The following POLR1B variants were observed in gnomAD, a reference collection of about 807,000 sequenced individuals.
POLR1B encodes DNA-directed RNA polymerase I subunit RPA2.
A neutral mutation model predicts 105.8 loss-of-function variants in POLR1B; 30 were observed. The ratio of observed to expected loss-of-function variants is 0.28; its 90% CI spans 0.21 to 0.38. The LOEUF is 0.38. Ranked by LOEUF, POLR1B falls within the 10% of genes least tolerant of loss-of-function variation. POLR1B has a pLI of 1.00. For missense variants in POLR1B, 976 were observed against 1,435.8 expected (o/e 0.68, Z 5.17); for synonymous variants, 485 against 505.1 (o/e 0.96, Z 0.53).
At chr2:112,565,367 C>A (rs1020049367) in intron 10 of POLR1B, among the ~76,000 whole-genome samples, 7 of 152,058 alleles carry the variant, frequency 4.6e-5, no homozygotes, top group African/African-American at 1.7e-4. Context: ...TCTTTTGAAC[C>A]ATTTGAGAGC....
upstream of POLR1B, chr2:112,542,099 A>G (rs1376800012): frequency 3.9e-6 from 6 of 1,535,376 alleles, no homozygotes; most frequent in Admixed American, 9.8e-5. Context: ...GTGAAGGGAA[A>G]CAGAAGAGAG....
At chr2:112,572,158 G>C (rs538335432) in intron 12 of POLR1B, among the ~76,000 whole-genome samples, 2 of 152,150 alleles carry the variant, frequency 1.3e-5, no homozygotes, top group Non-Finnish European at 2.9e-5. Context: ...ATCTAATTAC[G>C]TAATAATTCC....
Position 112,551,896 on chromosome 2 carries a change from C to G in POLR1B, c.884C>G (p.Ser295Trp), listed in dbSNP as rs1545133. The change falls in exon 6 of 15, where the codon TCG becomes TGG. Residue 295 changes from serine (S) to tryptophan (W), a missense_variant. This residue lies in a region of POLR1B where 452 missense variants were observed against 616.5 expected (regional missense o/e 0.73). Coordinates refer to ENST00000263331, the MANE Select transcript of POLR1B (RefSeq NM_019014.6). ...AGGATTGTAATGGAAGAGGGTTGTT[C>G]GACACAAAAACAGGTCCTTAACTAC... ...MLRIVMEEGC[S>W]TQKQVLNYLG... is the part of the protein sequence containing the mutation. 6.2e-7 allele frequency: 1 copy of G among 1,613,766 alleles called. No homozygotes were observed. The highest frequency in any genetic ancestry group is 1.7e-5 in the Admixed American group (1 of 60,002).
intron 3 of POLR1B, among the ~76,000 whole-genome samples, chr2:112,548,767 C>G (rs1683199356): frequency 6.6e-6 from 1 of 152,154 alleles, no homozygotes; most frequent in South Asian, 2.1e-4. Flanking sequence ...CGCCCACTAC[C>G]ACGCCTGGCT....
Position 112,559,392 on chromosome 2 carries a change from A to G in POLR1B, c.1430A>G (p.Asp477Gly). Residue 477 changes from aspartate (D) to glycine (G), a missense_variant, in exon 9 of 15, where the codon GAT becomes GGT. Physicochemically the swap from Asp to Gly is moderately conservative, Grantham distance 94. This residue lies in a region of POLR1B where 452 missense variants were observed against 616.5 expected (regional missense o/e 0.73). Transcript: ENST00000263331. ...TTCCGCTGCGTGCACAGAGGGGCTG[A>G]TTTTGCCAAGATGAGGACCACCACA... Reference protein sequence around the residue: ...SHFRCVHRGADFAKMRTTTVR... With the variant: ...SHFRCVHRGAGFAKMRTTTVR... 1 of 1,614,140 alleles carries G rather than the reference A, an allele frequency of 6.2e-7. No individual in the cohort carries two copies. Among genetic ancestry groups the G allele is most frequent in the Non-Finnish European group, 8.5e-7 (1 of 1,180,026 alleles).
chr2:112,542,186 G>T (rs1185190739), upstream of POLR1B: 2 of 1,535,620 alleles, frequency 1.3e-6, no homozygotes, highest in African/African-American at 1.4e-5. Context: ...TCAACTGGGC[G>T]GGGAGCGGGT....
In POLR1B at chr2:112,579,217, A is replaced by AAAAAAAAAAAAAAAAAAAAAAAAAAAG; in HGVS notation, c.*3511_*3512insAAAGAAAAAAAAAAAAAAAAAAAAAAA. Among the ~76,000 whole-genome samples the AAAAAAAAAAAAAAAAAAAAAAAAAAAG allele has an allele frequency of 7.7e-6, 1 of 129,946 alleles. No individual in the cohort carries two copies. The highest frequency in any genetic ancestry group is 1.6e-5 in the Non-Finnish European group (1 of 60,700). The allele number at this position is 129,946 out of a possible 152,430, so 85.2% of individuals were successfully genotyped here. A position where few individuals can be genotyped will look rare whatever the true frequency, so the allele number is the denominator to read the frequency against. On this transcript the variant is annotated 3_prime_UTR_variant, in exon 15 of 15. Coordinates refer to ENST00000263331, the MANE Select transcript of POLR1B (RefSeq NM_019014.6). Reference sequence around the variant, plus strand: ...AGCAAGACTAGAGTCTCAAAAAAAAAAAAAAAAAAAAAAAAAAAAAAAAGG... The same window carrying AAAAAAAAAAAAAAAAAAAAAAAAAAAG: ...AGCAAGACTAGAGTCTCAAAAAAAAAAAAAAAAAAAAAAAAAAAAAAAAAAAGAAAAAAAAAAAAAAAAAAAAAAAGG...
intron 7 of POLR1B, among the ~76,000 whole-genome samples, chr2:112,555,183 A>G (rs1406447066): frequency 2.0e-5 from 3 of 149,278 alleles, no homozygotes; most frequent in African/African-American, 7.4e-5. Flanking sequence ...CCTGTCTCCA[A>G]AAAAAACCTG....
At position 112,559,282 on chromosome 2, in the gene POLR1B, G is replaced by A; in HGVS notation, c.1331-11G>A. The A allele has an allele frequency of 1.2e-6, 2 of 1,610,576 alleles. No homozygotes were observed. The highest frequency in any genetic ancestry group is 1.7e-6 in the Non-Finnish European group (2 of 1,177,418). On this transcript the variant is annotated splice_polypyrimidine_tract_variant and intron_variant, in intron 8 of 14. Transcript: ENST00000263331. The stretch of plus-strand genomic sequence containing the variant: ...ATTGGCCCATTTTTGAATGACTTTT[G>A]TTTTATTAAGGTCTTGGCCTCCTAC...
At chr2:112,560,404 C>T (rs3961914) in intron 9 of POLR1B, among the ~76,000 whole-genome samples, 21,921 of 151,990 alleles carry the variant, frequency 0.14, 2,054 homozygotes, top group East Asian at 0.31. Context: ...TGTTGGTTTG[C>T]AGGAGGACAG....
Position 112,575,876 on chromosome 2 carries a change from A to ACTT in POLR1B, c.*147_*148insCTT. The ACTT allele has an allele frequency of 1.3e-6, 1 of 765,698 alleles. No homozygotes were observed. Among genetic ancestry groups the ACTT allele is most frequent in the African/African-American group, 1.7e-5 (1 of 57,190 alleles). The allele number at this position is 765,698 out of a possible 1,614,324, so 47.4% of individuals were successfully genotyped here. A position where few individuals can be genotyped will look rare whatever the true frequency, so the allele number is the denominator to read the frequency against. ...CCAAGACCTGAAAACCAAGTATGCA[A>ACTT]GGTTTCTGAATCTCTCTGGTAGATT... On this transcript the variant is annotated 3_prime_UTR_variant, in exon 15 of 15. Transcript: ENST00000263331. The surrounding 1 kb of genome is among the most constrained non-coding windows in gnomAD (Gnocchi z 5.3).
chr2:112,553,897 G>A (rs1683506099), intron 7 of POLR1B, among the ~76,000 whole-genome samples: 1 of 152,170 alleles, frequency 6.6e-6, no homozygotes, highest in South Asian at 2.1e-4. Context: ...TGTATATAGA[G>A]AGAAAGTTGG....
In POLR1B at chr2:112,567,825, A is replaced by G. The variant is rs1574128837; in HGVS notation, c.1747-142A>G. 13 of 638,720 alleles carry G rather than the reference A, an allele frequency of 2.0e-5. No individual in the cohort carries two copies. The East Asian group carries it at 3.0e-4, about 15-fold the overall frequency. 39.6% of individuals were successfully genotyped at this position (638,720 alleles called of 1,614,324 possible). ...AGCCTCAGTAGTTAGTGATTTGCCT[A>G]CTAGCTGGGGTGAGCACCCAAGGAA... On this transcript the variant is annotated intron_variant, in intron 10 of 14. Coordinates refer to ENST00000263331, the MANE Select transcript of POLR1B (RefSeq NM_019014.6).
intron 13 of POLR1B, among the ~76,000 whole-genome samples, chr2:112,573,166 G>A (rs1455474672): frequency 2.0e-5 from 3 of 152,136 alleles, no homozygotes; most frequent in Admixed American, 1.3e-4. Flanking sequence ...GCAGTGGCAC[G>A]ATCTTGGCTC....
Position 112,559,408 on chromosome 2 carries a change from G to A in POLR1B, c.1446G>A (p.Arg482=). The change falls in exon 9 of 15, where the codon AGG becomes AGA. Residue 482 remains arginine (R), a synonymous_variant. Transcript: ENST00000263331. The part of the protein sequence containing the change: ...VHRGADFAKM[R]TTTVRRLLPE... ...GAGGGGCTGATTTTGCCAAGATGAG[G>A]ACCACCACAGTACGCAGGCTGCTGC... 2 of 1,614,196 alleles carry A rather than the reference G, an allele frequency of 1.2e-6. No individual in the cohort carries two copies. Among genetic ancestry groups the A allele is most frequent in the Non-Finnish European group, 1.7e-6 (2 of 1,180,042 alleles).
At position 112,547,605 on chromosome 2, in the gene POLR1B, G is replaced by A; in HGVS notation, c.492+38G>A. On this transcript the variant is annotated intron_variant, in intron 3 of 14. Transcript: ENST00000263331. The stretch of plus-strand genomic sequence containing the variant: ...GTCCAGGCATGAGACAGTAGAGAAG[G>A]CCTGGGTTGGGAGTAAGAAGACAAG... 1.9e-6 allele frequency: 3 copies of A among 1,593,508 alleles called. No individual in the cohort carries two copies. The South Asian group carries it at 3.4e-5, about 18-fold the overall frequency.
At chr2:112,548,733 C>T (rs1309489585) in intron 3 of POLR1B, among the ~76,000 whole-genome samples, 2 of 152,126 alleles carry the variant, frequency 1.3e-5, no homozygotes, top group Admixed American at 6.5e-5. Context: ...CTGCCTCAGC[C>T]TCCCGAGTAG....
At chr2:112,544,930 A>G (rs1160120644) in intron 1 of POLR1B, among the ~76,000 whole-genome samples, 1 of 152,052 alleles carries the variant, frequency 6.6e-6, no homozygotes, top group African/African-American at 2.4e-5. Context: ...ATTTACTTCT[A>G]CTCCAAAAGC....
rs893517314 is a variant in POLR1B, at chr2:112,575,374, G to A, written c.3053G>A (p.Arg1018Gln). Reference sequence around the variant, plus strand: ...TTTCAAGTAAGGACAACTGGAGCCCGAGACAGAGTCACCAACCAGCCTATT... The same window carrying A: ...TTTCAAGTAAGGACAACTGGAGCCCAAGACAGAGTCACCAACCAGCCTATT... The part of the protein sequence containing the change: ...DKFQVRTTGA[R>Q]DRVTNQPIGG... The change falls in exon 15 of 15, where the codon CGA becomes CAA. Residue 1018 changes from arginine to glutamine, a missense_variant. Transcript: ENST00000263331. The surrounding 1 kb of genome is among the most constrained non-coding windows in gnomAD (Gnocchi z 5.3). 1.8e-5 allele frequency: 29 copies of A among 1,614,058 alleles called. No homozygotes were observed. Among genetic ancestry groups the A allele is most frequent in the Non-Finnish European group, 2.4e-5 (28 of 1,180,046 alleles).
Sources: gnomAD v4.1 joint callset for allele counts (sites outside exome capture counted in the v4.1 genomes callset) on GRCh38, gnomAD v4.1.1 for gene constraint, gnomAD v4.1.1 regional missense constraint, Gnocchi (gnomAD v3.1) non-coding constraint, MANE v1.5 for transcripts, NCBI Gene and HGNC (gene_info 2026-07-23, HGNC 2026-07-21) for gene names.